Variants in LHFPL3 observed in about 807,000 individuals in gnomAD.
LHFPL3 encodes the protein LHFPL tetraspan subfamily member 3.
LHFPL3 carries 5 observed loss-of-function variants against 19.3 expected under a neutral mutation model. The observed-to-expected ratio is 0.26, with a 90% CI of 0.14 to 0.54. The LOEUF (loss-of-function observed/expected upper bound fraction) is 0.54. Among genes scored for constraint, LHFPL3 ranks in the 20% least tolerant of loss-of-function variants. The pLI is 0.94. For synonymous variants in LHFPL3, 133 were observed against 126.2 expected (o/e 1.05, Z -0.36); for missense variants, 249 against 307.4 (o/e 0.81, Z 1.42).
chr7:104,522,409 G>C (rs1162802084), intron 1 of LHFPL3, among the ~76,000 whole-genome samples: 2 of 57,484 alleles, frequency 3.5e-5, no homozygotes, highest in African/African-American at 6.7e-5. Flanking sequence ...AGGGGGGAGG[G>C]ATGGATTGGG....
chr7:104,851,003 T>G (rs1340149523), intron 2 of LHFPL3, among the ~76,000 whole-genome samples: 1 of 152,198 alleles, frequency 6.6e-6, no homozygotes, highest in Non-Finnish European at 1.5e-5. Flanking sequence ...CTTTGACAGA[T>G]TCTGCTCTAG....
chr7:104,561,552 C>A (rs1188263745), intron 1 of LHFPL3, among the ~76,000 whole-genome samples: 1 of 151,798 alleles, frequency 6.6e-6, no homozygotes, highest in South Asian at 2.1e-4. Flanking sequence ...TTCCTCCATC[C>A]TTTTATTTTG....
intron 1 of LHFPL3, among the ~76,000 whole-genome samples, chr7:104,522,962 C>A (rs7784927): frequency 0.61 from 93,035 of 151,850 alleles, 28,771 homozygotes; most frequent in African/African-American, 0.68. Flanking sequence ...GTCTCTCTCT[C>A]TATATATATC....
intron 1 of LHFPL3, among the ~76,000 whole-genome samples, chr7:104,451,275 C>T (rs190325617): frequency 1.3e-5 from 2 of 152,226 alleles, no homozygotes; most frequent in East Asian, 1.9e-4. Context: ...AATATCTTCA[C>T]GGTGATAAGC....
At chr7:104,569,899 C>G (rs1790196710) in intron 1 of LHFPL3, among the ~76,000 whole-genome samples, 1 of 152,224 alleles carries the variant, frequency 6.6e-6, no homozygotes, top group African/African-American at 2.4e-5. Flanking sequence ...CTATGCCATA[C>G]TATCCTCTCT....
chr7:104,368,786 G>C (rs1790549133), intron 1 of LHFPL3, among the ~76,000 whole-genome samples: 1 of 151,914 alleles, frequency 6.6e-6, no homozygotes, highest in Admixed American at 6.6e-5. Context: ...GGCATGGCCA[G>C]ATTGTTCTGC....
intron 1 of LHFPL3, among the ~76,000 whole-genome samples, chr7:104,519,784 C>T (rs62485136): frequency 0.011 from 1,653 of 152,162 alleles, 12 homozygotes; most frequent in Non-Finnish European, 0.017. Flanking sequence ...CAGCTGTGTA[C>T]AAACACATCT....
intron 2 of LHFPL3, among the ~76,000 whole-genome samples, chr7:104,777,324 G>A (rs74496924): frequency 0.013 from 2,036 of 152,296 alleles, 16 homozygotes; most frequent in Admixed American, 0.019. Flanking sequence ...TTAAGTGCTT[G>A]TTGTTTTACT....
chr7:104,590,244 A>G (rs1043775491), intron 1 of LHFPL3, among the ~76,000 whole-genome samples: 5 of 151,710 alleles, frequency 3.3e-5, no homozygotes, highest in Non-Finnish European at 5.9e-5. Flanking sequence ...TCTCTTGTGG[A>G]CATTTAGTGC....
intron 1 of LHFPL3, among the ~76,000 whole-genome samples, chr7:104,503,448 T>A (rs1051559026): frequency 1.3e-5 from 2 of 152,258 alleles, no homozygotes; most frequent in African/African-American, 4.8e-5. Context: ...TGTTTGTTTA[T>A]ATTATGAGAA....
intron 2 of LHFPL3, among the ~76,000 whole-genome samples, chr7:104,870,843 G>A (rs537881100): frequency 6.6e-6 from 1 of 152,272 alleles, no homozygotes; most frequent in Non-Finnish European, 1.5e-5. Context: ...CAGAGTAAAG[G>A]ATGTATAGCA....
intron 1 of LHFPL3, among the ~76,000 whole-genome samples, chr7:104,445,974 C>G (rs890730185): frequency 6.6e-6 from 1 of 152,088 alleles, no homozygotes; most frequent in Non-Finnish European, 1.5e-5. Context: ...TAATGAAAGT[C>G]AAGTGTTACA....
intron 1 of LHFPL3, among the ~76,000 whole-genome samples, chr7:104,592,099 C>A (rs1790737484): frequency 6.6e-6 from 1 of 152,156 alleles, no homozygotes; most frequent in South Asian, 2.1e-4. Flanking sequence ...TATTACTGAT[C>A]GTCTAGAGCC....
At chr7:104,833,038 T>TATTATATATAATAG (rs1554349395) in intron 2 of LHFPL3, among the ~76,000 whole-genome samples, 36 of 21,574 alleles carry the variant, frequency 1.7e-3, no homozygotes, top group African/African-American at 7.2e-3. Flanking sequence ...ATATTATATA[T>TATTATATATAATAG]ATATATTATA....
chr7:104,471,358 C>T (rs1309277590), intron 1 of LHFPL3, among the ~76,000 whole-genome samples: 1 of 152,062 alleles, frequency 6.6e-6, no homozygotes, highest in Non-Finnish European at 1.5e-5. Flanking sequence ...TTTTGCTTTC[C>T]CTGTTGAAAC....
In LHFPL3 at chr7:104,408,672, A is replaced by C. The variant is rs78568423; in HGVS notation, c.445+79448A>C. On this transcript the variant is annotated intron_variant, in intron 1 of 2. Transcript: ENST00000424859. ...TGTTTACTGGTAGAGTCTATGTCAG[A>C]AACAGTAAAAAGGTTACACTCCACA... 6.4e-3 allele frequency among the ~76,000 whole-genome samples: 977 copies of C among 152,242 alleles called. 29 individuals carry two copies. The East Asian group carries it at 0.077, about 12-fold the overall frequency.
chr7:104,767,088 G>C (rs934931836), intron 2 of LHFPL3, among the ~76,000 whole-genome samples: 1 of 152,190 alleles, frequency 6.6e-6, no homozygotes, highest in Admixed American at 6.5e-5. Context: ...CATAATAAAA[G>C]TTAAAGTTCT....
chr7:104,781,272 T>A (rs1290159725), intron 2 of LHFPL3, among the ~76,000 whole-genome samples: 2 of 152,174 alleles, frequency 1.3e-5, no homozygotes, highest in Non-Finnish European at 2.9e-5. Flanking sequence ...TGCACAACCT[T>A]GTTTCCTACT....
At chr7:104,424,293 C>G (rs1562893058) in intron 1 of LHFPL3, among the ~76,000 whole-genome samples, 1 of 152,186 alleles carries the variant, frequency 6.6e-6, no homozygotes. Context: ...GCTCAAGGTA[C>G]TTTTGTTGGG....
Sources: gnomAD v4.1 joint callset for allele counts (sites outside exome capture counted in the v4.1 genomes callset) on GRCh38, gnomAD v4.1.1 for gene constraint, MANE v1.5 for transcripts, NCBI Gene and HGNC (gene_info 2026-07-23, HGNC 2026-07-21) for gene names.